Variants in GLRA3 observed in about 807,000 individuals in gnomAD.
The protein encoded by GLRA3 is glycine receptor alpha 3, also known as glycine receptor subunit alpha-3.
GLRA3 carries 44 observed loss-of-function variants against 60.4 expected under a neutral mutation model. The ratio of observed to expected loss-of-function variants is 0.73; its 90% CI spans 0.57 to 0.94. The LOEUF is 0.94. Ranked by LOEUF, GLRA3 falls within the 40% of genes least tolerant of loss-of-function variation. The pLI, the probability that GLRA3 is intolerant of heterozygous loss-of-function variation, is 0.00. For synonymous variants in GLRA3, 223 were observed against 192.9 expected, an observed-to-expected ratio of 1.16 and a Z score of -1.29; for missense variants, 508 against 564.6, an observed-to-expected ratio of 0.90 and a Z score of 1.02.
intron 1 of GLRA3, among the ~76,000 whole-genome samples, chr4:174,803,266 G>A (rs1739897707): frequency 6.6e-6 from 1 of 151,900 alleles, no homozygotes; most frequent in Non-Finnish European, 1.5e-5. Flanking sequence ...TTTCTTTATA[G>A]ATTTGGCATC....
intron 7 of GLRA3, among the ~76,000 whole-genome samples, chr4:174,665,042 G>A (rs966675371): frequency 1.3e-5 from 2 of 152,070 alleles, no homozygotes; most frequent in Non-Finnish European, 2.9e-5. Context: ...GGAGGGTAAC[G>A]ATATGAAAGA....
chr4:174,661,668 A>G lies in GLRA3; in HGVS notation c.928-2471T>C, dbSNP rs192620963. On this transcript the variant is annotated intron_variant, in intron 7 of 9. Coordinates refer to ENST00000274093, the MANE Select transcript of GLRA3 (RefSeq NM_006529.4). ...TGGCCTTGGTCCTAACTAACTATTT[A>G]TCCTGCTCCATAGGATCTGGCAATC... 1.1e-3 allele frequency among the ~76,000 whole-genome samples: 161 copies of G among 152,156 alleles called. 1 individual carries two copies. The highest frequency in any genetic ancestry group is 3.8e-3 in the African/African-American group (159 of 41,520).
chr4:174,766,871 A>G (rs1738161230), intron 3 of GLRA3, 92 bp downstream of exon 3: 1 of 662,904 alleles, frequency 1.5e-6, no homozygotes, highest in Non-Finnish European at 2.7e-6. Flanking sequence ...ATCTTGTTAT[A>G]CTAATTTGGG....
rs574683892 is a variant in GLRA3 at position 174,660,339 on chromosome 4, ATTATCTGTCTCTCC to A, written c.928-1156_928-1143del. ...ATCTCTTTAGTTTTCAGTGTGGGAC[ATTATCTGTCTCTCC>A]TTGCTTTTTTGTGGCATTGTTACTT... On this transcript the variant is annotated intron_variant, in intron 7 of 9. Coordinates refer to ENST00000274093, the MANE Select transcript of GLRA3 (RefSeq NM_006529.4). Among the ~76,000 whole-genome samples the A allele has an allele frequency of 1.9e-4, 29 of 152,224 alleles. 1 individual carries two copies. In the East Asian group the frequency reaches 5.2e-3, roughly 27 times the overall value.
chr4:174,778,898 G>A (rs1205268752), intron 2 of GLRA3, among the ~76,000 whole-genome samples: 2 of 152,206 alleles, frequency 1.3e-5, no homozygotes, highest in Admixed American at 1.3e-4. Context: ...TGGGGGAGGG[G>A]CGCCCGCCAT....
At chr4:174,763,056 A>G (rs1737997567) in intron 3 of GLRA3, among the ~76,000 whole-genome samples, 1 of 152,156 alleles carries the variant, frequency 6.6e-6, no homozygotes, top group Non-Finnish European at 1.5e-5. Flanking sequence ...TATGAGAAAT[A>G]TCCATGTTGT....
In GLRA3 at chr4:174,822,622, C is replaced by A. The variant is rs150195252; in HGVS notation, c.71+6119G>T. On this transcript the variant is annotated intron_variant, in intron 1 of 9. Transcript: ENST00000274093. ...GGTAGGATACTGGATGGACCAGTTA[C>A]CTCCATTGTAAGCCCAATCATTCTA... Among the ~76,000 whole-genome samples the A allele has an allele frequency of 1.9e-3, 287 of 152,300 alleles. 1 individual carries two copies. Among genetic ancestry groups the A allele is most frequent in the Middle Eastern group, 3.4e-3 (1 of 294 alleles).
chr4:174,656,873 G>A, intron 8 of GLRA3, 86 bp from the exon 9 acceptor site: 1 of 782,754 alleles, frequency 1.3e-6, no homozygotes, highest in South Asian at 1.5e-5. Flanking sequence ...ACAATTGGTT[G>A]TAATTGTATA....
chr4:174,699,830 G>GCA (rs1735230947), intron 5 of GLRA3, among the ~76,000 whole-genome samples: 1 of 149,240 alleles, frequency 6.7e-6, no homozygotes, highest in Non-Finnish European at 1.5e-5. Context: ...TAATTTATTT[G>GCA]TTAATTATTA....
intron 3 of GLRA3, among the ~76,000 whole-genome samples, chr4:174,759,131 TG>T (rs1374342726): frequency 1.3e-5 from 2 of 152,084 alleles, no homozygotes; most frequent in African/African-American, 2.4e-5. Flanking sequence ...CATTTAACAT[TG>T]CTTTTGTTGA....
At chr4:174,781,643 A>C (rs866477770) in intron 2 of GLRA3, among the ~76,000 whole-genome samples, 1 of 151,212 alleles carries the variant, frequency 6.6e-6, no homozygotes, top group Non-Finnish European at 1.5e-5. Context: ...ATCACCACCG[A>C]TCCCACAGAA....
intron 5 of GLRA3, among the ~76,000 whole-genome samples, chr4:174,707,146 T>C (rs1735548051): frequency 6.6e-6 from 1 of 152,194 alleles, no homozygotes; most frequent in African/African-American, 2.4e-5. Context: ...GAAAAAGCAA[T>C]TGTTGATTTT....
chr4:174,785,406 G>C (rs2111294004), intron 2 of GLRA3, among the ~76,000 whole-genome samples: 1 of 152,080 alleles, frequency 6.6e-6, no homozygotes, highest in East Asian at 1.9e-4. Flanking sequence ...TATTACTCCA[G>C]AAATAAATTC....
chr4:174,814,221 T>G (rs1351408189), intron 1 of GLRA3, among the ~76,000 whole-genome samples: 1 of 152,136 alleles, frequency 6.6e-6, no homozygotes, highest in African/African-American at 2.4e-5. Flanking sequence ...CTTGATGGCA[T>G]CCAGGAAGAA....
chr4:174,742,886 C>A (rs1157034661), intron 3 of GLRA3, among the ~76,000 whole-genome samples: 3 of 152,126 alleles, frequency 2.0e-5, no homozygotes, highest in Admixed American at 2.0e-4. Flanking sequence ...AAGAGAGAGG[C>A]AAAATTATTG....
chr4:174,778,953 C>G (rs1171823571), intron 2 of GLRA3, among the ~76,000 whole-genome samples: 3 of 152,214 alleles, frequency 2.0e-5, no homozygotes, highest in Non-Finnish European at 2.9e-5. Context: ...GAAGCTCCAA[C>G]TGGGTGGAGC....
chr4:174,662,817 T>C (rs1359923278), intron 7 of GLRA3, among the ~76,000 whole-genome samples: 1 of 149,046 alleles, frequency 6.7e-6, no homozygotes, highest in Non-Finnish European at 1.5e-5. Flanking sequence ...GGAATTGTTA[T>C]TCCTTGTTTT....
chr4:174,683,003 A>G (rs752606545), intron 5 of GLRA3, 64 bp from the exon 6 acceptor site: 4 of 1,318,608 alleles, frequency 3.0e-6, no homozygotes, highest in Admixed American at 3.5e-5. Context: ...AGAAATGCAA[A>G]TTACTTTATA....
chr4:174,694,908 A>C (rs2111026207), intron 5 of GLRA3, among the ~76,000 whole-genome samples: 1 of 152,288 alleles, frequency 6.6e-6, no homozygotes, highest in East Asian at 1.9e-4. Context: ...TACTGACTCC[A>C]CAGAAATGAA....
Sources: allele counts gnomAD v4.1 joint callset (sites outside exome capture counted in the v4.1 genomes callset), GRCh38; gene constraint gnomAD v4.1.1; transcripts MANE v1.5; gene names NCBI Gene and HGNC (gene_info 2026-07-23, HGNC 2026-07-21).